The following PPP4R1 variants were observed in gnomAD, a reference collection of about 807,000 sequenced individuals.
PPP4R1 encodes serine/threonine-protein phosphatase 4 regulatory subunit 1.
PPP4R1 carries 42 observed loss-of-function variants against 111.2 expected under a neutral mutation model. That is an observed-to-expected ratio of 0.38 (90% CI 0.29 to 0.49). The LOEUF (loss-of-function observed/expected upper bound fraction) is 0.49, where lower values mean the gene tolerates loss of function less well. Ranked by LOEUF, PPP4R1 falls within the 20% of genes least tolerant of loss-of-function variation. The probability of loss-of-function intolerance (pLI) is 0.97; values close to 1 mark genes in which losing one functional copy is unlikely to be tolerated. For synonymous variants in PPP4R1, 409 were observed against 405.5 expected (o/e 1.01, Z -0.10); for missense variants, 1,012 against 1,161.6 (o/e 0.87, Z 1.87).
rs112507760 is a variant in PPP4R1 at position 9,612,005 on chromosome 18, C to T, written c.52+2221G>A. The stretch of plus-strand genomic sequence containing the variant: ...TCCAGCCTGGGCAACAAGAGTGAAA[C>T]TCCATCTCAAAAAAAAAAAAAATTT... On this transcript the variant is annotated intron_variant, in intron 2 of 19. Coordinates refer to ENST00000400556, the MANE Select transcript of PPP4R1 (RefSeq NM_001042388.3). 8.3e-3 allele frequency among the ~76,000 whole-genome samples: 1,156 copies of T among 140,092 alleles called. 20 individuals are homozygous for T. Among genetic ancestry groups the T allele is most frequent in the African/African-American group, 0.03 (1,093 of 36,086 alleles). The allele number at this position is 140,092 out of a possible 152,430, so 91.9% of individuals were successfully genotyped here. A position where few individuals can be genotyped will look rare whatever the true frequency, so the allele number is the denominator to read the frequency against.
At chr18:9,616,763 G>A (rs2067692585), upstream of PPP4R1, among the ~76,000 whole-genome samples, 1 of 152,172 alleles carries the variant, frequency 6.6e-6, no homozygotes, top group South Asian at 2.1e-4. Context: ...CCTAGGATAT[G>A]GAACAACTAA....
At chr18:9,565,975 A>G (rs938474794) in intron 11 of PPP4R1, among the ~76,000 whole-genome samples, 7 of 152,028 alleles carry the variant, frequency 4.6e-5, no homozygotes, top group African/African-American at 9.7e-5. Context: ...CAGTGGTGCA[A>G]TCTTGGCTCA....
Position 9,549,241 on chromosome 18 carries a change from C to T in PPP4R1, c.2645G>A (p.Arg882Gln). ...TCTTAATGTCTTTGCAAGCAGCACTCGCACGTTAGGAACCCTGTCATTTGC... is the reference window on the plus strand; with the variant it reads ...TCTTAATGTCTTTGCAAGCAGCACTTGCACGTTAGGAACCCTGTCATTTGC... ...TLANDRVPNV[R>Q]VLLAKTLRQT... Residue 882 changes from arginine (R) to glutamine (Q), a missense_variant, in exon 19 of 20, where the codon CGA becomes CAA. By Grantham distance (43) the Arg-to-Gln change is conservative (BLOSUM62 1). Transcript: ENST00000400556. 3 of 1,614,028 alleles carry T rather than the reference C, an allele frequency of 1.9e-6. No homozygotes were observed. The highest frequency in any genetic ancestry group is 2.5e-6 in the Non-Finnish European group (3 of 1,179,890).
intron 18 of PPP4R1, chr18:9,549,730 C>T (rs865935088): frequency 6.1e-6 from 3 of 491,612 alleles, no homozygotes; most frequent in Middle Eastern, 5.4e-4. Flanking sequence ...TGTATGTGCA[C>T]TGTGAAATGT....
In PPP4R1 at chr18:9,547,765, G is replaced by GA. The variant is rs1317095092; in HGVS notation, c.*23dup. ...TGAACCTCGGCTCTCATGGAAGCAG[G>GA]AAAGACACCGAGATTCAAGCCTTCT... is the stretch of plus-strand genomic sequence containing the variant. On this transcript the variant is annotated 3_prime_UTR_variant, in exon 20 of 20. Coordinates refer to ENST00000400556, the MANE Select transcript of PPP4R1 (RefSeq NM_001042388.3). The GA allele has an allele frequency of 3.7e-6, 6 of 1,611,090 alleles. No homozygotes were observed. Among genetic ancestry groups the GA allele is most frequent in the Non-Finnish European group, 4.2e-6 (5 of 1,178,998 alleles).
intron 15 of PPP4R1, among the ~76,000 whole-genome samples, chr18:9,555,997 C>CA (rs71358236): frequency 0.078 from 10,622 of 136,862 alleles, 518 homozygotes; most frequent in Non-Finnish European, 0.098. Context: ...AACAAACAAA[C>CA]AAAAAAACAC....
At chr18:9,570,136 T>C (rs753848492) in intron 11 of PPP4R1, 21 bp downstream of exon 11, 5 of 1,482,800 alleles carry the variant, frequency 3.4e-6, no homozygotes, top group East Asian at 2.4e-5. Context: ...TCAGAATAAA[T>C]AACTTGATTG....
chr18:9,578,753 T>C (rs2066978799), intron 9 of PPP4R1, among the ~76,000 whole-genome samples: 1 of 152,266 alleles, frequency 6.6e-6, no homozygotes, highest in East Asian at 1.9e-4. Context: ...GGGAAAAGAA[T>C]AGCTTGTATG....
chr18:9,592,856 G>A (rs1021293598), intron 4 of PPP4R1, among the ~76,000 whole-genome samples: 1 of 152,078 alleles, frequency 6.6e-6, no homozygotes, highest in African/African-American at 2.4e-5. Flanking sequence ...TATGCTTGAT[G>A]AGACCCCTCC....
intron 9 of PPP4R1, among the ~76,000 whole-genome samples, chr18:9,582,172 G>A (rs991264416): frequency 3.3e-5 from 5 of 151,708 alleles, no homozygotes; most frequent in Non-Finnish European, 7.4e-5. Context: ...CTAAAAGCAA[G>A]CAGAAGGGAG....
chr18:9,548,843 G>A (rs932424544), intron 19 of PPP4R1, among the ~76,000 whole-genome samples: 11 of 152,208 alleles, frequency 7.2e-5, no homozygotes, highest in African/African-American at 9.6e-5. Flanking sequence ...GCTTGAACCC[G>A]GAAGGCAGAG....
chr18:9,595,245 T>C, intron 2 of PPP4R1, 92 bp from the exon 3 acceptor site: 2 of 1,334,306 alleles, frequency 1.5e-6, no homozygotes, highest in Non-Finnish European at 2.0e-6. Flanking sequence ...GTTTCTGGAA[T>C]GGTACAAAAA....
intron 5 of PPP4R1, 37 bp from the exon 6 acceptor site, chr18:9,588,272 G>A (rs2067153964): frequency 6.3e-7 from 1 of 1,581,916 alleles, no homozygotes; most frequent in South Asian, 1.1e-5. Context: ...AAGTACATAT[G>A]CAACATGACA....
In PPP4R1 at chr18:9,547,593, A is replaced by G; in HGVS notation, c.*196T>C. The G allele has an allele frequency of 3.6e-6, 2 of 554,412 alleles. No homozygotes were observed. Among genetic ancestry groups the G allele is most frequent in the Non-Finnish European group, 6.4e-6 (2 of 313,448 alleles). 34.3% of individuals were successfully genotyped at this position (554,412 alleles called of 1,614,324 possible). Reference sequence around the variant, plus strand: ...TATTTCCCCTTAAAGTCAAGATAAGATAATAGTGTTTACTGTACTTTCTCT... The same window carrying G: ...TATTTCCCCTTAAAGTCAAGATAAGGTAATAGTGTTTACTGTACTTTCTCT... On this transcript the variant is annotated 3_prime_UTR_variant, in exon 20 of 20. Transcript: ENST00000400556.
In PPP4R1 at chr18:9,588,592, G is replaced by A. The variant is rs535672276; in HGVS notation, c.438+119C>T. On this transcript the variant is annotated intron_variant, in intron 5 of 19. Transcript: ENST00000400556. ...CAGACTCTAAACACATCTTGTCTAAGATAAATATTCATTTTTGAAAAACAG... is the reference window on the plus strand; with the variant it reads ...CAGACTCTAAACACATCTTGTCTAAAATAAATATTCATTTTTGAAAAACAG... 1.4e-5 allele frequency: 15 copies of A among 1,106,138 alleles called. 1 individual carries two copies. In the South Asian group the frequency reaches 2.5e-4, roughly 18 times the overall value. The allele number at this position is 1,106,138 out of a possible 1,614,324, so 68.5% of individuals were successfully genotyped here.
chr18:9,567,349 C>T (rs899207589), intron 11 of PPP4R1, among the ~76,000 whole-genome samples: 7 of 152,138 alleles, frequency 4.6e-5, no homozygotes, highest in African/African-American at 7.2e-5. Flanking sequence ...CATAATCAAA[C>T]GTTTTCTGTT....
At chr18:9,564,326 T>A (rs2145068727) in intron 11 of PPP4R1, among the ~76,000 whole-genome samples, 1 of 152,332 alleles carries the variant, frequency 6.6e-6, no homozygotes, top group East Asian at 1.9e-4. Context: ...GTGAACATTT[T>A]AAATTCAAAC....
chr18:9,563,283 T>C (rs369353457), intron 12 of PPP4R1, 95 bp downstream of exon 12: 5 of 1,137,744 alleles, frequency 4.4e-6, no homozygotes, highest in Non-Finnish European at 4.7e-6. Context: ...AAACAGAACA[T>C]ACAAACTAAA....
Position 9,549,188 on chromosome 18 carries a change from A to ACTAC in PPP4R1, c.2689+5_2689+8dup. On this transcript the variant is annotated intron_variant, in intron 19 of 19. Transcript: ENST00000400556. ...CTCACACGCTTCTTCTAGTGGAGTC[A>ACTAC]CTACCTACCTTTTTCTAGTAGAGTT... The ACTAC allele has an allele frequency of 6.2e-7, 1 of 1,609,796 alleles. No individual in the cohort carries two copies. The highest frequency in any genetic ancestry group is 8.5e-7 in the Non-Finnish European group (1 of 1,176,350).
Sources: gnomAD v4.1 joint callset for allele counts (sites outside exome capture counted in the v4.1 genomes callset) on GRCh38, gnomAD v4.1.1 for gene constraint, MANE v1.5 for transcripts, NCBI Gene and HGNC (gene_info 2026-07-23, HGNC 2026-07-21) for gene names.